The following AUTS2 variants were observed in gnomAD, a reference collection of about 807,000 sequenced individuals.
The protein encoded by AUTS2 is activator of transcription and developmental regulator AUTS2, also known as autism susceptibility gene 2 protein.
AUTS2 carries 17 observed loss-of-function variants against 112.4 expected under a neutral mutation model. The observed-to-expected ratio is 0.15, with a 90% CI of 0.10 to 0.23. The LOEUF is 0.23. Among genes scored for constraint, AUTS2 ranks in the 10% least tolerant of loss-of-function variants. The pLI is 1.00. For missense variants in AUTS2, 1,510 were observed against 1,701.6 expected (o/e 0.89, Z 1.98); for synonymous variants, 751 against 702.7 (o/e 1.07, Z -1.09).
chr7:70,424,877 G>T (rs1795369835), intron 4 of AUTS2, among the ~76,000 whole-genome samples: 1 of 152,202 alleles, frequency 6.6e-6, no homozygotes, highest in East Asian at 1.9e-4. Flanking sequence ...ATGAGGCATT[G>T]CACCTGGCCT....
chr7:70,652,551 T>C (rs6978261), intron 5 of AUTS2, among the ~76,000 whole-genome samples: 2 of 152,092 alleles, frequency 1.3e-5, no homozygotes, highest in East Asian at 3.9e-4. Context: ...AGTTGGAAAA[T>C]GTGCCAAGTC....
chr7:69,628,244 G>C (rs1218387039), intron 1 of AUTS2, among the ~76,000 whole-genome samples: 1 of 152,168 alleles, frequency 6.6e-6, no homozygotes, highest in East Asian at 1.9e-4. Flanking sequence ...GGTGTGCTTG[G>C]AGCCTGTGTT....
intron 4 of AUTS2, among the ~76,000 whole-genome samples, chr7:70,135,666 T>C (rs1806517854): frequency 6.6e-6 from 1 of 152,170 alleles, no homozygotes. Context: ...TTTTTTTTGG[T>C]CTTAATCTGT....
intron 3 of AUTS2, among the ~76,000 whole-genome samples, chr7:70,121,867 G>A (rs1805699918): frequency 6.6e-6 from 1 of 152,144 alleles, no homozygotes; most frequent in South Asian, 2.1e-4. Context: ...AACTTAAACA[G>A]AGACTTGTAA....
At chr7:69,989,863 C>T (rs935487310) in intron 2 of AUTS2, among the ~76,000 whole-genome samples, 1 of 152,136 alleles carries the variant, frequency 6.6e-6, no homozygotes, top group Non-Finnish European at 1.5e-5. Context: ...GCATTAGACT[C>T]TCATAGGAGT....
At chr7:70,101,679 A>C (rs1213269804) in intron 2 of AUTS2, among the ~76,000 whole-genome samples, 2 of 152,208 alleles carry the variant, frequency 1.3e-5, no homozygotes, top group Non-Finnish European at 2.9e-5. Context: ...TGGGTGACAG[A>C]GTGAGACCTA....
At chr7:70,703,490 CAAAAAAAAAAAA>C (rs57223380) in intron 6 of AUTS2, among the ~76,000 whole-genome samples, 2 of 98,640 alleles carry the variant, frequency 2.0e-5, no homozygotes, top group African/African-American at 4.0e-5. Context: ...GACACCATTT[CAAAAAAAAAAAA>C]AAAAAAAAAA....
intron 2 of AUTS2, among the ~76,000 whole-genome samples, chr7:69,902,377 A>G (rs1795002917): frequency 6.6e-6 from 1 of 152,192 alleles, no homozygotes; most frequent in African/African-American, 2.4e-5. Context: ...GAATCTGACC[A>G]TCTTAGCTGG....
At chr7:69,690,561 G>A (rs1234641389) in intron 1 of AUTS2, among the ~76,000 whole-genome samples, 1 of 152,168 alleles carries the variant, frequency 6.6e-6, no homozygotes. Flanking sequence ...GCTGGCTGTG[G>A]GGTGGGCAGC....
chr7:70,587,844 G>T (rs1802755365), intron 5 of AUTS2, among the ~76,000 whole-genome samples: 1 of 152,182 alleles, frequency 6.6e-6, no homozygotes, highest in African/African-American at 2.4e-5. Flanking sequence ...TCATCTTACT[G>T]TATTTGCTTT....
chr7:70,360,566 G>A (rs1306781182), intron 4 of AUTS2, among the ~76,000 whole-genome samples: 1 of 152,210 alleles, frequency 6.6e-6, no homozygotes, highest in Non-Finnish European at 1.5e-5. Flanking sequence ...ACAGGTGTAT[G>A]ACCCCGGCTC....
chr7:70,551,706 G>A (rs1308618440), intron 5 of AUTS2, among the ~76,000 whole-genome samples: 2 of 152,132 alleles, frequency 1.3e-5, no homozygotes, highest in African/African-American at 2.4e-5. Context: ...ATAAACTATG[G>A]ACTGAAGTTA....
chr7:70,544,312 T>C (rs1223954711), intron 5 of AUTS2, among the ~76,000 whole-genome samples: 1 of 152,210 alleles, frequency 6.6e-6, no homozygotes, highest in Non-Finnish European at 1.5e-5. Context: ...GTGCCTGATT[T>C]TTACATTTAA....
At chr7:70,724,053 G>A (rs1171171416) in intron 6 of AUTS2, among the ~76,000 whole-genome samples, 1 of 151,988 alleles carries the variant, frequency 6.6e-6, no homozygotes. Flanking sequence ...CACCACACCT[G>A]GCTAATTTTT....
At chr7:70,776,205 T>C (rs1461356335) in intron 13 of AUTS2, among the ~76,000 whole-genome samples, 1 of 152,206 alleles carries the variant, frequency 6.6e-6, no homozygotes, top group Non-Finnish European at 1.5e-5. Flanking sequence ...GAAGCTTCTG[T>C]TCTTCGCCGA....
At chr7:69,953,752 A>G (rs548402241) in intron 2 of AUTS2, among the ~76,000 whole-genome samples, 5 of 152,214 alleles carry the variant, frequency 3.3e-5, no homozygotes, top group South Asian at 2.1e-4. Context: ...CTATTTTTTC[A>G]TAAGCTTGAC....
At chr7:70,148,590 C>T (rs1485517952) in intron 4 of AUTS2, among the ~76,000 whole-genome samples, 1 of 151,252 alleles carries the variant, frequency 6.6e-6, no homozygotes, top group Admixed American at 6.6e-5. Flanking sequence ...AGAGTCTATT[C>T]TTTGAAGTCT....
rs897192328 is a variant in AUTS2 at position 70,511,196 on chromosome 7, A to C, written c.690+75415A>C. On this transcript the variant is annotated intron_variant, in intron 5 of 18. Coordinates refer to ENST00000342771, the MANE Select transcript of AUTS2 (RefSeq NM_015570.4). Reference sequence around the variant, plus strand: ...AAAAGCCTTTTGGAAGTTCTCAAAAAAAAATTTAAGAGTATAAAGGGGTCC... The same window carrying C: ...AAAAGCCTTTTGGAAGTTCTCAAAACAAAATTTAAGAGTATAAAGGGGTCC... 2.2e-4 allele frequency among the ~76,000 whole-genome samples: 33 copies of C among 152,070 alleles called. 1 individual carries two copies. Among genetic ancestry groups the C allele is most frequent in the Non-Finnish European group, 7.4e-5 (5 of 67,988 alleles).
intron 2 of AUTS2, among the ~76,000 whole-genome samples, chr7:69,976,051 G>A (rs1463939408): frequency 6.6e-6 from 1 of 152,176 alleles, no homozygotes; most frequent in African/African-American, 2.4e-5. Context: ...CGGTTATTAA[G>A]TATACAGTTC....
Sources: gnomAD v4.1 joint callset for allele counts (sites outside exome capture counted in the v4.1 genomes callset) on GRCh38, gnomAD v4.1.1 for gene constraint, MANE v1.5 for transcripts, NCBI Gene and HGNC (gene_info 2026-07-23, HGNC 2026-07-21) for gene names.